The following PTPRN2 variants were observed in gnomAD, a reference collection of about 807,000 sequenced individuals.
PTPRN2 encodes the protein protein tyrosine phosphatase receptor type N2, also known as receptor-type tyrosine-protein phosphatase N2.
Under a neutral mutation model 118.8 loss-of-function variants are expected in PTPRN2, and 74 were observed. The ratio of observed to expected loss-of-function variants is 0.62; its 90% CI spans 0.52 to 0.76. The LOEUF (loss-of-function observed/expected upper bound fraction) is 0.76, where lower values mean the gene tolerates loss of function less well. Among genes scored for constraint, PTPRN2 ranks in the 30% least tolerant of loss-of-function variants. The probability of loss-of-function intolerance (pLI) is 0.00; values close to 1 mark genes in which losing one functional copy is unlikely to be tolerated. For synonymous variants in PTPRN2, 641 were observed against 608.0 expected (o/e 1.05, Z -0.80); for missense variants, 1,481 against 1,394.4 (o/e 1.06, Z -0.99).
intron 10 of PTPRN2, among the ~76,000 whole-genome samples, chr7:158,083,678 G>A (rs1401007996): frequency 2.0e-5 from 3 of 152,200 alleles, no homozygotes; most frequent in Non-Finnish European, 4.4e-5. Context: ...TCACCATTGC[G>A]TGGGGCTGTG....
chr7:158,476,343 A>G (rs1163813379), intron 2 of PTPRN2, among the ~76,000 whole-genome samples: 1 of 152,208 alleles, frequency 6.6e-6, no homozygotes, highest in Non-Finnish European at 1.5e-5. Flanking sequence ...TTTCTCCACT[A>G]TTTATGACTT....
intron 11 of PTPRN2, among the ~76,000 whole-genome samples, chr7:157,965,911 G>C (rs1801890241): frequency 6.6e-6 from 1 of 152,196 alleles, no homozygotes; most frequent in Admixed American, 6.5e-5. Flanking sequence ...AAGCCCTCGA[G>C]AGCCACTGAA....
chr7:158,030,770 C>G (rs1188103375), intron 11 of PTPRN2: 1 of 152,416 alleles, frequency 6.6e-6, no homozygotes, highest in Non-Finnish European at 1.5e-5. Context: ...ACCTTGATCT[C>G]AGACCCTGGG....
chr7:158,199,207 G>A (rs561814843), intron 4 of PTPRN2, among the ~76,000 whole-genome samples: 2 of 152,018 alleles, frequency 1.3e-5, no homozygotes, highest in South Asian at 4.2e-4. Flanking sequence ...CAGTTCTCAA[G>A]GTCTCTTAGC....
intron 12 of PTPRN2, among the ~76,000 whole-genome samples, chr7:157,713,330 C>T (rs746024031): frequency 3.9e-5 from 6 of 152,160 alleles, no homozygotes; most frequent in African/African-American, 1.2e-4. Flanking sequence ...AATAGCCCCA[C>T]GGCACGTTTC....
At chr7:158,139,318 C>T (rs967981932) in intron 6 of PTPRN2, among the ~76,000 whole-genome samples, 9 of 152,216 alleles carry the variant, frequency 5.9e-5, no homozygotes, top group South Asian at 2.1e-4. Context: ...GTGAAGAGCA[C>T]GGCGTCTGAA....
intron 9 of PTPRN2, among the ~76,000 whole-genome samples, chr7:158,129,153 T>A (rs1416982255): frequency 1.5e-5 from 2 of 130,374 alleles, no homozygotes; most frequent in African/African-American, 3.0e-5. Context: ...ACACATACAC[T>A]ACACACCACA....
At chr7:157,958,716 T>C (rs537113010) in intron 11 of PTPRN2, among the ~76,000 whole-genome samples, 19 of 152,284 alleles carry the variant, frequency 1.2e-4, no homozygotes, top group African/African-American at 4.6e-4. Context: ...GTGAAGGACA[T>C]GTACACTGAA....
chr7:157,576,583 A>T, intron 19 of PTPRN2, 30 bp downstream of exon 19: 1 of 1,586,684 alleles, frequency 6.3e-7, no homozygotes, highest in East Asian at 2.3e-5. Flanking sequence ...CTCAGCGCGC[A>T]CTGCCCTGCC....
intron 3 of PTPRN2, among the ~76,000 whole-genome samples, chr7:158,233,337 T>C (rs947902697): frequency 1.1e-4 from 17 of 152,082 alleles, no homozygotes; most frequent in Admixed American, 3.3e-4. Flanking sequence ...TAATATAAGA[T>C]ACCTAGAAAT....
chr7:158,109,914 G>A (rs960390807), intron 10 of PTPRN2, among the ~76,000 whole-genome samples: 50 of 151,984 alleles, frequency 3.3e-4, no homozygotes, highest in African/African-American at 1.2e-3. Context: ...TGAAGAGTCA[G>A]TGAGTGAATG....
At chr7:158,169,012 G>A (rs113002188) in intron 5 of PTPRN2, among the ~76,000 whole-genome samples, 17 of 152,166 alleles carry the variant, frequency 1.1e-4, no homozygotes, top group Non-Finnish European at 1.6e-4. Flanking sequence ...AATCCCATCC[G>A]TTCATATTTT....
rs1291170015 is a variant in PTPRN2 at position 157,881,936 on chromosome 7, G to A, written c.1788+16737C>T. Reference sequence around the variant, plus strand: ...TCCATCAGTTTCTAATGTAGGAGATGAGAACACATCACCCCAAAAATGACT... The same window carrying A: ...TCCATCAGTTTCTAATGTAGGAGATAAGAACACATCACCCCAAAAATGACT... On this transcript the variant is annotated intron_variant, in intron 12 of 22. Coordinates refer to ENST00000389418, the MANE Select transcript of PTPRN2 (RefSeq NM_002847.5). The surrounding 1 kb of genome is among the most constrained non-coding windows in gnomAD (Gnocchi z 4.7). 6.6e-6 allele frequency among the ~76,000 whole-genome samples: 1 copy of A among 152,150 alleles called. No individual in the cohort carries two copies. Among genetic ancestry groups the A allele is most frequent in the Non-Finnish European group, 1.5e-5 (1 of 68,034 alleles).
intron 12 of PTPRN2, among the ~76,000 whole-genome samples, chr7:157,887,982 C>T (rs1796583127): frequency 6.6e-6 from 1 of 150,668 alleles, no homozygotes; most frequent in Admixed American, 6.6e-5. Context: ...TGCCTCCCAC[C>T]CTTGGCAGAG....
At chr7:158,386,748 A>G (rs1454019601) in intron 2 of PTPRN2, among the ~76,000 whole-genome samples, 1 of 152,172 alleles carries the variant, frequency 6.6e-6, no homozygotes. Context: ...AAAAAACAGA[A>G]AGCCCAGCCC....
intron 1 of PTPRN2, among the ~76,000 whole-genome samples, chr7:158,527,261 C>T (rs1296825563): frequency 6.6e-6 from 1 of 152,124 alleles, no homozygotes; most frequent in Non-Finnish European, 1.5e-5. Context: ...AGGCCTCCTC[C>T]CCACAAGGCG....
rs373569996 is a variant in PTPRN2, at chr7:157,811,204, G to C, written c.1788+87469C>G. ...GAGAATGGCATGAACCCGGGAGGTG[G>C]AGCTTGCAGTGAGCGGAGATCGCAC... On this transcript the variant is annotated intron_variant, in intron 12 of 22. Coordinates refer to ENST00000389418, the MANE Select transcript of PTPRN2 (RefSeq NM_002847.5). Among the ~76,000 whole-genome samples the C allele has an allele frequency of 5.4e-4, 81 of 151,040 alleles. No homozygotes were observed. In the East Asian group the frequency reaches 0.013, roughly 25 times the overall value.
intron 14 of PTPRN2, among the ~76,000 whole-genome samples, chr7:157,624,186 T>C (rs1803432051): frequency 6.6e-6 from 1 of 152,130 alleles, no homozygotes; most frequent in African/African-American, 2.4e-5. Flanking sequence ...TTTGGAAGGC[T>C]GAGGCGGGTG....
At chr7:157,651,998 C>T (rs908667408) in intron 14 of PTPRN2, among the ~76,000 whole-genome samples, 8 of 152,216 alleles carry the variant, frequency 5.3e-5, no homozygotes, top group East Asian at 3.8e-4. Context: ...ACCTTCCCTG[C>T]GCCTGGGAGG....
Sources: allele counts gnomAD v4.1 joint callset (sites outside exome capture counted in the v4.1 genomes callset), GRCh38; gene constraint gnomAD v4.1.1; non-coding constraint Gnocchi (gnomAD v3.1); transcripts MANE v1.5; gene names NCBI Gene and HGNC (gene_info 2026-07-23, HGNC 2026-07-21).